ZNF385D: variants seen among roughly 807,000 people sequenced by gnomAD.
ZNF385D encodes zinc finger protein 659.
ZNF385D carries 15 observed loss-of-function variants against 35.8 expected under a neutral mutation model. The observed-to-expected ratio is 0.42, with a 90% confidence interval of 0.28 to 0.64. The LOEUF (loss-of-function observed/expected upper bound fraction) is 0.64. ZNF385D is among the 30% of genes least tolerant of loss of function. ZNF385D has a pLI of 0.23. For synonymous variants in ZNF385D, 212 were observed against 186.8 expected (o/e 1.13, Z -1.10); for missense variants, 474 against 494.6 (o/e 0.96, Z 0.39).
At chr3:21,605,178 G>T (rs557935483) in intron 2 of ZNF385D, among the ~76,000 whole-genome samples, 50 of 152,208 alleles carry the variant, frequency 3.3e-4, no homozygotes, top group African/African-American at 1.2e-3. Context: ...ATTGGAGGGG[G>T]GCTGTGTGGG....
chr3:21,745,577 G>A (rs900711102), intron 1 of ZNF385D, among the ~76,000 whole-genome samples: 3 of 152,178 alleles, frequency 2.0e-5, no homozygotes, highest in African/African-American at 4.8e-5. Flanking sequence ...CACCTCTTAT[G>A]CTGTATTTTC....
intron 1 of ZNF385D, among the ~76,000 whole-genome samples, chr3:21,739,131 T>C (rs2069385233): frequency 6.6e-6 from 1 of 152,194 alleles, no homozygotes; most frequent in Non-Finnish European, 1.5e-5. Flanking sequence ...GCCAGCCTCA[T>C]TCTCTCAACA....
intron 2 of ZNF385D, among the ~76,000 whole-genome samples, chr3:22,256,470 A>T (rs1316532014): frequency 6.6e-6 from 1 of 151,766 alleles, no homozygotes; most frequent in Non-Finnish European, 1.5e-5. Flanking sequence ...TCCTGCCTAC[A>T]GAGTCATCTT....
chr3:22,030,283 A>ATATATATATATGTATG (rs1697888387), intron 3 of ZNF385D, among the ~76,000 whole-genome samples: 1 of 97,968 alleles, frequency 1.0e-5, no homozygotes, highest in Non-Finnish European at 2.1e-5. Context: ...ATATATATAT[A>ATATATATATATGTATG]TATATATATA....
Position 21,421,345 on chromosome 3 carries a change from A to G in ZNF385D, c.1057T>C (p.Ser353Pro), listed in dbSNP as rs1575113709. 6.2e-7 allele frequency: 1 copy of G among 1,613,792 alleles called. No individual in the cohort carries two copies. The highest frequency in any genetic ancestry group is 8.5e-7 in the Non-Finnish European group (1 of 1,179,866). The part of the protein sequence containing the change: ...AAAAAAVAVS[S>P]PFSLRTAPAA... ...GGAGCAGTTCGAAGACTGAAGGGGG[A>G]ACTCACTGCCACTGCTGCTGCGGCT... The change falls in exon 8 of 8, where the codon TCC becomes CCC. Residue 353 changes from serine to proline, a missense_variant. Ser to Pro is a moderately conservative substitution (Grantham distance 74). Coordinates refer to ENST00000281523, the MANE Select transcript of ZNF385D (RefSeq NM_024697.3).
rs575478019 is a variant in ZNF385D at position 21,480,648 on chromosome 3, G to C, written c.439+30213C>G. 3.3e-5 allele frequency among the ~76,000 whole-genome samples: 5 copies of C among 152,152 alleles called. No homozygotes were observed. In the South Asian group the frequency reaches 1.0e-3, roughly 32 times the overall value. ...TTTACTGTAATGATCACTAAAATGC[G>C]TAACACATATGGCCTGATTCATTAG... On this transcript the variant is annotated intron_variant, in intron 4 of 7. Coordinates refer to ENST00000281523, the MANE Select transcript of ZNF385D (RefSeq NM_024697.3).
intron 3 of ZNF385D, among the ~76,000 whole-genome samples, chr3:22,076,915 A>G (rs1359903569): frequency 6.6e-6 from 1 of 151,960 alleles, no homozygotes; most frequent in African/African-American, 2.4e-5. Flanking sequence ...AACAATGAAC[A>G]TGTGAAAAAA....
intron 2 of ZNF385D, among the ~76,000 whole-genome samples, chr3:21,628,841 C>T (rs1429474965): frequency 6.6e-6 from 1 of 152,114 alleles, no homozygotes. Context: ...ATAGCACTTA[C>T]TATGTGCCAG....
intron 2 of ZNF385D, among the ~76,000 whole-genome samples, chr3:22,249,273 C>T (rs1233143920): frequency 1.3e-5 from 2 of 152,044 alleles, no homozygotes; most frequent in African/African-American, 4.8e-5. Flanking sequence ...AACCAGAATC[C>T]CCCCACCCAT....
rs372122141 is a variant in ZNF385D, at chr3:21,653,048, A to G, written c.165+11838T>C. On this transcript the variant is annotated intron_variant, in intron 2 of 7. Coordinates refer to ENST00000281523, the MANE Select transcript of ZNF385D (RefSeq NM_024697.3). ...TGTGTGGTCTCCCAGTCTATGTTTC[A>G]TGTATTGTAAATTAATTTCAATCTC... is the stretch of plus-strand genomic sequence containing the variant. Among the ~76,000 whole-genome samples, 11 of 152,114 alleles carry G rather than the reference A, an allele frequency of 7.2e-5. No individual in the cohort carries two copies. The East Asian group carries it at 2.1e-3, about 30-fold the overall frequency.
chr3:21,951,262 A>G (rs1436322278), intron 3 of ZNF385D, among the ~76,000 whole-genome samples: 1 of 151,564 alleles, frequency 6.6e-6, no homozygotes, highest in African/African-American at 2.4e-5. Context: ...GGTCCTTCAC[A>G]TCCCTTATAA....
chr3:22,060,160 G>C (rs1464122369), intron 3 of ZNF385D, among the ~76,000 whole-genome samples: 1 of 152,020 alleles, frequency 6.6e-6, no homozygotes, highest in East Asian at 1.9e-4. Context: ...TTTTAAATTT[G>C]GACTAAATTA....
chr3:21,860,690 A>G (rs1697000782), intron 3 of ZNF385D, among the ~76,000 whole-genome samples: 1 of 152,140 alleles, frequency 6.6e-6, no homozygotes, highest in African/African-American at 2.4e-5. Flanking sequence ...CAGGCCTCCA[A>G]ACATTTTCTC....
chr3:22,284,245 G>C (rs1185517863), intron 2 of ZNF385D, among the ~76,000 whole-genome samples: 1 of 152,108 alleles, frequency 6.6e-6, no homozygotes, highest in Non-Finnish European at 1.5e-5. Flanking sequence ...CTGGAGTGCA[G>C]TGGCGCGATC....
At chr3:22,270,763 T>G (rs1701133485) in intron 2 of ZNF385D, among the ~76,000 whole-genome samples, 1 of 152,022 alleles carries the variant, frequency 6.6e-6, no homozygotes. Context: ...TAAGTCGTAG[T>G]GAATCTTACC....
chr3:21,889,226 T>C (rs1487697298), intron 3 of ZNF385D, among the ~76,000 whole-genome samples: 3 of 152,164 alleles, frequency 2.0e-5, no homozygotes, highest in East Asian at 3.9e-4. Flanking sequence ...AAGGTCTTTG[T>C]TTCTCATGGA....
At chr3:21,847,258 T>C (rs928375119) in intron 3 of ZNF385D, among the ~76,000 whole-genome samples, 4 of 152,084 alleles carry the variant, frequency 2.6e-5, no homozygotes, top group African/African-American at 7.2e-5. Context: ...AGGACTTTTT[T>C]AGTTATTTGA....
At chr3:21,600,633 T>A (rs2064257146) in intron 2 of ZNF385D, among the ~76,000 whole-genome samples, 2 of 152,110 alleles carry the variant, frequency 1.3e-5, no homozygotes, top group Admixed American at 6.6e-5. Flanking sequence ...TATCATAAGA[T>A]ATTTGAAGGA....
intron 3 of ZNF385D, among the ~76,000 whole-genome samples, chr3:21,849,354 A>AAAG (rs1696226343): frequency 6.6e-6 from 1 of 152,120 alleles, no homozygotes; most frequent in Non-Finnish European, 1.5e-5. Context: ...TGAATTGCTA[A>AAAG]TTTAAATATT....
Sources: gnomAD v4.1 joint callset for allele counts (sites outside exome capture counted in the v4.1 genomes callset) on GRCh38, gnomAD v4.1.1 for gene constraint, MANE v1.5 for transcripts, NCBI Gene and HGNC (gene_info 2026-07-23, HGNC 2026-07-21) for gene names.